The following ASIC2 variants were observed in gnomAD, a reference collection of about 807,000 sequenced individuals.
ASIC2 encodes the protein acid sensing ion channel subunit 2.
A neutral mutation model predicts 57.3 loss-of-function variants in ASIC2; 25 were observed. That is an observed-to-expected ratio of 0.44 (90% confidence interval 0.32 to 0.61). ASIC2 has a LOEUF of 0.61. Among genes scored for constraint, ASIC2 ranks in the 20% least tolerant of loss-of-function variants. The probability of loss-of-function intolerance (pLI) is 0.06; values close to 1 mark genes in which losing one functional copy is unlikely to be tolerated. For synonymous variants in ASIC2, 319 were observed against 307.5 expected (o/e 1.04, Z -0.39); for missense variants, 641 against 738.1 (o/e 0.87, Z 1.52).
At chr17:33,840,032 T>G (rs549859224) in intron 1 of ASIC2, among the ~76,000 whole-genome samples, 7 of 152,266 alleles carry the variant, frequency 4.6e-5, no homozygotes, top group Admixed American at 4.6e-4. Flanking sequence ...CATGCTGATA[T>G]GCTCTTTTAG....
chr17:34,106,637 T>A (rs1379584362), intron 1 of ASIC2, among the ~76,000 whole-genome samples: 1 of 152,224 alleles, frequency 6.6e-6, no homozygotes, highest in African/African-American at 2.4e-5. Context: ...CATTTCTATT[T>A]TTCCATGATT....
At chr17:33,016,110 T>C (rs1016367517) in intron 8 of ASIC2, 71 bp from the exon 9 acceptor site, 31 of 1,495,120 alleles carry the variant, frequency 2.1e-5, no homozygotes, top group East Asian at 1.4e-4. Context: ...CCTCCCTCCA[T>C]TGGGCCCCAC....
intron 2 of ASIC2, among the ~76,000 whole-genome samples, chr17:33,105,469 C>G (rs1422062886): frequency 1.3e-5 from 2 of 152,196 alleles, no homozygotes; most frequent in Admixed American, 1.3e-4. Context: ...TTATGAATTA[C>G]CCAGTCTTGG....
intron 1 of ASIC2, among the ~76,000 whole-genome samples, chr17:33,657,133 A>C (rs920846432): frequency 2.0e-5 from 3 of 152,270 alleles, no homozygotes; most frequent in Non-Finnish European, 4.4e-5. Flanking sequence ...ACATGCTCTG[A>C]CATGGCAGGC....
At chr17:33,190,863 C>T (rs1240463210) in intron 1 of ASIC2, among the ~76,000 whole-genome samples, 2 of 152,160 alleles carry the variant, frequency 1.3e-5, no homozygotes, top group Non-Finnish European at 2.9e-5. Flanking sequence ...AGAACTTTTG[C>T]ACATGCTGCC....
chr17:33,479,560 G>T (rs1428354303), intron 1 of ASIC2, among the ~76,000 whole-genome samples: 1 of 152,192 alleles, frequency 6.6e-6, no homozygotes, highest in Non-Finnish European at 1.5e-5. Context: ...TGGAGGAATT[G>T]CAGGGAACAC....
intron 1 of ASIC2, among the ~76,000 whole-genome samples, chr17:33,808,243 G>C (rs1912323584): frequency 6.6e-6 from 1 of 152,086 alleles, no homozygotes; most frequent in African/African-American, 2.4e-5. Context: ...TTCTTTTTTT[G>C]CATGCGAATG....
rs909808375 is a variant in ASIC2 at position 33,615,926 on chromosome 17, A to G, written c.556-503859T>C. 2.0e-5 allele frequency among the ~76,000 whole-genome samples: 3 copies of G among 152,190 alleles called. 1 individual carries two copies. The highest frequency in any genetic ancestry group is 7.2e-5 in the African/African-American group (3 of 41,440). On this transcript the variant is annotated intron_variant, in intron 1 of 9. Transcript: ENST00000359872. ...GGAGTCTCAGACTGGGCTCTCACGG[A>G]TCCCTTCTGGCTGTAACATTTCACC...
intron 1 of ASIC2, among the ~76,000 whole-genome samples, chr17:33,885,158 G>A (rs1914799562): frequency 6.6e-6 from 1 of 152,154 alleles, no homozygotes; most frequent in African/African-American, 2.4e-5. Flanking sequence ...AGCACAGGCT[G>A]GTGTCAAACT....
chr17:33,810,612 GC>G (rs1912391241), intron 1 of ASIC2, among the ~76,000 whole-genome samples: 1 of 152,154 alleles, frequency 6.6e-6, no homozygotes, highest in Non-Finnish European at 1.5e-5. Flanking sequence ...AGGTGTCACT[GC>G]CCCATGGGAC....
chr17:33,730,433 T>C (rs967983706), intron 1 of ASIC2, among the ~76,000 whole-genome samples: 1 of 152,234 alleles, frequency 6.6e-6, no homozygotes, highest in Non-Finnish European at 1.5e-5. Flanking sequence ...CACCACTTTG[T>C]CATTTTGAAA....
At chr17:33,511,790 T>G (rs1914438631) in intron 1 of ASIC2, among the ~76,000 whole-genome samples, 2 of 152,124 alleles carry the variant, frequency 1.3e-5, no homozygotes, top group Admixed American at 6.5e-5. Context: ...TTTTCAACAC[T>G]TAGGATAAAG....
Position 33,045,875 on chromosome 17 carries a change from T to G in ASIC2, c.988-17483A>C, listed in dbSNP as rs146367661. Among the ~76,000 whole-genome samples, 661 of 152,352 alleles carry G rather than the reference T, an allele frequency of 4.3e-3. 7 individuals carry two copies. Among genetic ancestry groups the G allele is most frequent in the African/African-American group, 0.014 (564 of 41,570 alleles). On this transcript the variant is annotated intron_variant, in intron 3 of 9. Coordinates refer to ENST00000225823, the MANE Select transcript of ASIC2 (RefSeq NM_183377.2). ...CCTGAGTCCAACTTCCACCCTCAGC[T>G]GAAGAATCTGAAGAGGTCAGGAGAA...
chr17:33,932,323 T>G (rs1915948949), intron 1 of ASIC2, among the ~76,000 whole-genome samples: 1 of 152,210 alleles, frequency 6.6e-6, no homozygotes. Context: ...GAAGACAGTA[T>G]GACAAAAGGT....
chr17:33,038,612 C>T (rs574494349), intron 3 of ASIC2, among the ~76,000 whole-genome samples: 2 of 152,326 alleles, frequency 1.3e-5, no homozygotes, highest in Non-Finnish European at 2.9e-5. Flanking sequence ...TGCTATGGAA[C>T]TGGAGGCTTT....
intron 1 of ASIC2, among the ~76,000 whole-genome samples, chr17:33,271,599 T>C (rs1444113728): frequency 6.6e-6 from 1 of 152,156 alleles, no homozygotes; most frequent in African/African-American, 2.4e-5. Context: ...TATCACCCTC[T>C]ACTACCAATC....
chr17:33,060,015 T>G (rs999281304), intron 3 of ASIC2, among the ~76,000 whole-genome samples: 1 of 152,228 alleles, frequency 6.6e-6, no homozygotes, highest in Admixed American at 6.5e-5. Context: ...TTGTTTGTTT[T>G]TTTTCTTGTA....
At chr17:33,966,297 C>T (rs1335386633) in intron 1 of ASIC2, among the ~76,000 whole-genome samples, 2 of 152,086 alleles carry the variant, frequency 1.3e-5, no homozygotes, top group East Asian at 1.9e-4. Context: ...AGGAGGCAGG[C>T]GTGAGTTGGA....
At chr17:33,365,383 G>GC (rs546091783) in intron 1 of ASIC2, among the ~76,000 whole-genome samples, 3 of 149,292 alleles carry the variant, frequency 2.0e-5, no homozygotes, top group Non-Finnish European at 4.5e-5. Context: ...ACTGGGTCTT[G>GC]TTTTTTTTTT....
Sources: allele counts gnomAD v4.1 joint callset (sites outside exome capture counted in the v4.1 genomes callset), GRCh38; gene constraint gnomAD v4.1.1; transcripts MANE v1.5; gene names NCBI Gene and HGNC (gene_info 2026-07-23, HGNC 2026-07-21).